JKAMP: variants seen among roughly 807,000 people sequenced by gnomAD.
The protein encoded by JKAMP is JNK1/MAPK8-associated membrane protein.
JKAMP carries 20 observed loss-of-function variants against 40.2 expected under a neutral mutation model. That is an observed-to-expected ratio of 0.50 (90% confidence interval 0.35 to 0.72). JKAMP has a LOEUF of 0.72. Among genes scored for constraint, JKAMP ranks in the 30% least tolerant of loss-of-function variants. The pLI is 0.01. For missense variants in JKAMP, 276 were observed against 373.0 expected, an observed-to-expected ratio of 0.74 and a Z score of 2.14; for synonymous variants, 138 against 131.6, an observed-to-expected ratio of 1.05 and a Z score of -0.33.
At chr14:59,486,566 A>G (rs1249471144) in intron 1 of JKAMP, 147 bp from the exon 2 acceptor site, 3 of 634,686 alleles carry the variant, frequency 4.7e-6, no homozygotes, top group Non-Finnish European at 5.5e-6. Context: ...GGAGAAATGT[A>G]AATTTAAAAA....
intron 4 of JKAMP, 27 bp downstream of exon 4, chr14:59,495,251 ATTG>A (rs775435725): frequency 1.7e-4 from 249 of 1,447,922 alleles, no homozygotes; most frequent in African/African-American, 4.6e-4. Flanking sequence ...ACTTAAGATC[ATTG>A]TTTTTTTTTA....
chr14:59,500,097 G>A (rs987154444), intron 5 of JKAMP, among the ~76,000 whole-genome samples: 1 of 152,076 alleles, frequency 6.6e-6, no homozygotes, highest in African/African-American at 2.4e-5. Context: ...TCTTAAATTT[G>A]TATCATTAGC....
chr14:59,500,331 A>G (rs984671857), intron 5 of JKAMP, among the ~76,000 whole-genome samples: 5 of 152,216 alleles, frequency 3.3e-5, no homozygotes, highest in African/African-American at 9.6e-5. Context: ...TTCTACTGCA[A>G]TGATAAGTAG....
rs1892181226 is a variant in JKAMP, at chr14:59,504,265, C to G, written c.*193C>G. The G allele has an allele frequency of 2.2e-5, 13 of 586,714 alleles. No homozygotes were observed. The South Asian group carries it at 2.8e-4, about 13-fold the overall frequency. 36.3% of individuals were successfully genotyped at this position (586,714 alleles called of 1,614,324 possible). A position where few individuals can be genotyped will look rare whatever the true frequency, so the allele number is the denominator to read the frequency against. On this transcript the variant is annotated 3_prime_UTR_variant, in exon 7 of 7. Transcript: ENST00000616435. Reference sequence around the variant, plus strand: ...GGAAAATGCAAAACTCTGTAATACTCTGTTACACAGGGTAATATTATCTGC... The same window carrying G: ...GGAAAATGCAAAACTCTGTAATACTGTGTTACACAGGGTAATATTATCTGC...
chr14:59,492,377 G>A (rs1044893628), intron 3 of JKAMP, among the ~76,000 whole-genome samples: 18 of 152,158 alleles, frequency 1.2e-4, no homozygotes, highest in African/African-American at 4.3e-4. Flanking sequence ...GTGCAAGAAG[G>A]TGAGATCCAT....
intron 6 of JKAMP, among the ~76,000 whole-genome samples, chr14:59,502,244 C>G (rs975806257): frequency 3.3e-5 from 5 of 152,162 alleles, no homozygotes; most frequent in African/African-American, 1.2e-4. Context: ...GTTAATGGCT[C>G]TGATTTAAGA....
Position 59,495,115 on chromosome 14 carries a change from A to G in JKAMP, c.349A>G (p.Ile117Val). ...GAGTGATCCAGTTGGTGTTCTTTAT[A>G]TTCGTTCATGTCGAGTATTGATGCT... The part of the protein sequence containing the change: ...LVSDPVGVLY[I>V]RSCRVLMLSD... The change falls in exon 4 of 7, where the codon ATT (isoleucine) becomes GTT (valine). Residue 117 changes from isoleucine (I) to valine (V), a missense_variant. Ile to Val is a conservative substitution (Grantham distance 29). Coordinates refer to ENST00000616435, the MANE Select transcript of JKAMP (RefSeq NM_016475.5). 1 of 1,613,528 alleles carries G rather than the reference A, an allele frequency of 6.2e-7. No homozygotes were observed. Among genetic ancestry groups the G allele is most frequent in the Non-Finnish European group, 8.5e-7 (1 of 1,179,518 alleles).
At chr14:59,499,860 G>C (rs142028703) in intron 5 of JKAMP, among the ~76,000 whole-genome samples, 2 of 152,288 alleles carry the variant, frequency 1.3e-5, no homozygotes, top group Non-Finnish European at 2.9e-5. Flanking sequence ...GTTCCCTCTA[G>C]CTCCTCTATT....
In JKAMP at chr14:59,489,902, T is replaced by C. The variant is rs181503130; in HGVS notation, c.251+2074T>C. Among the ~76,000 whole-genome samples the C allele has an allele frequency of 1.8e-3, 276 of 152,132 alleles. 1 individual carries two copies. Among genetic ancestry groups the C allele is most frequent in the Non-Finnish European group, 3.3e-3 (226 of 67,972 alleles). The stretch of plus-strand genomic sequence containing the variant: ...TACCTCTTTCTTTCATTTTTTTTAA[T>C]GTTTTATTTTTTAATTTATCTTTTC... On this transcript the variant is annotated intron_variant, in intron 3 of 6. Coordinates refer to ENST00000616435, the MANE Select transcript of JKAMP (RefSeq NM_016475.5).
intron 3 of JKAMP, among the ~76,000 whole-genome samples, chr14:59,491,006 G>C (rs1890952447): frequency 6.6e-6 from 1 of 152,328 alleles, no homozygotes; most frequent in African/African-American, 2.4e-5. Context: ...GGTTTAAAAA[G>C]AGGGAGTTGT....
intron 4 of JKAMP, among the ~76,000 whole-genome samples, chr14:59,497,803 C>T (rs1891561820): frequency 6.6e-6 from 1 of 152,152 alleles, no homozygotes. Context: ...ATCATAGGAA[C>T]ACAGGATTAT....
At chr14:59,489,796 A>T (rs1042066675) in intron 3 of JKAMP, among the ~76,000 whole-genome samples, 1 of 152,192 alleles carries the variant, frequency 6.6e-6, no homozygotes, top group East Asian at 1.9e-4. Flanking sequence ...GAAGCTTACA[A>T]TCATGGCAGA....
intron 3 of JKAMP, among the ~76,000 whole-genome samples, chr14:59,491,299 T>C (rs1334680594): frequency 6.6e-6 from 1 of 152,148 alleles, no homozygotes; most frequent in East Asian, 1.9e-4. Flanking sequence ...AAGACGATGC[T>C]GGTGGGGGTA....
At chr14:59,492,397 G>T (rs1891087850) in intron 3 of JKAMP, among the ~76,000 whole-genome samples, 1 of 152,192 alleles carries the variant, frequency 6.6e-6, no homozygotes, top group South Asian at 2.1e-4. Context: ...TGTTGGGTAG[G>T]TGTGGGAGTG....
chr14:59,487,481 G>A (rs1751868730), intron 2 of JKAMP, 193 bp from the exon 3 acceptor site: 2 of 457,704 alleles, frequency 4.4e-6, no homozygotes, highest in Admixed American at 7.2e-5. Context: ...TCTTCTAAGA[G>A]CATTGTACAA....
chr14:59,485,331 A>G (rs531007520), intron 1 of JKAMP: 380 of 442,518 alleles, frequency 8.6e-4, no homozygotes, highest in South Asian at 2.4e-3. Context: ...TGTGATTACA[A>G]TTGGTTACAA....
At chr14:59,489,991 C>G (rs1164635697) in intron 3 of JKAMP, among the ~76,000 whole-genome samples, 1 of 152,112 alleles carries the variant, frequency 6.6e-6, no homozygotes, top group African/African-American at 2.4e-5. Context: ...GGTGTGATCA[C>G]TGGTTACTGC....
rs61117183 is a variant in JKAMP at position 59,492,797 on chromosome 14, A to ATT, written c.252-2203_252-2202dup. Among the ~76,000 whole-genome samples the ATT allele has an allele frequency of 7.0e-4, 93 of 131,990 alleles. 2 individuals carry two copies. In the East Asian group the frequency reaches 9.0e-3, roughly 13 times the overall value. 86.6% of individuals were successfully genotyped at this position (131,990 alleles called of 152,430 possible). On this transcript the variant is annotated intron_variant, in intron 3 of 6. Transcript: ENST00000616435. Reference sequence around the variant, plus strand: ...ATAGAGACTATGAAGGAGAGCTGCTATTTTTTTTTTTTTTTTTTTGAGACG... The same window carrying ATT: ...ATAGAGACTATGAAGGAGAGCTGCTATTTTTTTTTTTTTTTTTTTTTGAGACG...
At chr14:59,490,014 C>T (rs1233344633) in intron 3 of JKAMP, among the ~76,000 whole-genome samples, 1 of 152,002 alleles carries the variant, frequency 6.6e-6, no homozygotes, top group Non-Finnish European at 1.5e-5. Flanking sequence ...CCTTGACTTC[C>T]TAGGCTCAAG....
Sources: gnomAD v4.1 joint callset for allele counts (sites outside exome capture counted in the v4.1 genomes callset) on GRCh38, gnomAD v4.1.1 for gene constraint, MANE v1.5 for transcripts, NCBI Gene and HGNC (gene_info 2026-07-23, HGNC 2026-07-21) for gene names.